MAML3: variants seen among roughly 807,000 people sequenced by gnomAD.
MAML3 encodes the protein mastermind-like protein 3.
In MAML3, 27 loss-of-function variants were observed where a neutral mutation model predicts 101.9. That is an observed-to-expected ratio of 0.27 (90% confidence interval 0.20 to 0.37). MAML3 has a LOEUF of 0.37. MAML3 is among the 10% of genes least tolerant of loss of function. MAML3 has a pLI of 1.00. For synonymous variants in MAML3, 501 were observed against 555.9 expected (o/e 0.90, Z 1.39); for missense variants, 1,316 against 1,444.9 (o/e 0.91, Z 1.45).
intron 1 of MAML3, among the ~76,000 whole-genome samples, chr4:139,924,471 G>A (rs1018645270): frequency 2.0e-5 from 3 of 151,994 alleles, no homozygotes; most frequent in Non-Finnish European, 4.4e-5. Context: ...TGTAACACAC[G>A]AAATGTTTTC....
intron 1 of MAML3, among the ~76,000 whole-genome samples, chr4:139,945,707 T>C (rs2110747508): frequency 6.6e-6 from 1 of 152,372 alleles, no homozygotes; most frequent in South Asian, 2.1e-4. Context: ...CCAATGTGTA[T>C]TTTTCCCATG....
At chr4:139,726,518 G>A (rs1373631640) in intron 3 of MAML3, among the ~76,000 whole-genome samples, 1 of 152,178 alleles carries the variant, frequency 6.6e-6, no homozygotes, top group African/African-American at 2.4e-5. Context: ...CAGCCTGCAT[G>A]CTTTCCTTAG....
intron 1 of MAML3, among the ~76,000 whole-genome samples, chr4:139,933,388 T>C (rs1273679336): frequency 6.6e-6 from 1 of 152,142 alleles, no homozygotes; most frequent in Non-Finnish European, 1.5e-5. Flanking sequence ...TAACTTGCTG[T>C]CAAGAGACGA....
intron 2 of MAML3, among the ~76,000 whole-genome samples, chr4:139,836,560 C>T (rs968639528): frequency 2.0e-5 from 3 of 152,146 alleles, no homozygotes; most frequent in African/African-American, 7.2e-5. Context: ...GGTCAAATTA[C>T]CAATTAAAAA....
intron 1 of MAML3, among the ~76,000 whole-genome samples, chr4:140,132,660 G>C (rs771366400): frequency 6.6e-6 from 1 of 152,214 alleles, no homozygotes; most frequent in Admixed American, 6.5e-5. Flanking sequence ...AAATGCCTTC[G>C]TGGTGCCCTG....
At chr4:139,916,161 A>T (rs1338379355) in intron 1 of MAML3, among the ~76,000 whole-genome samples, 1 of 152,220 alleles carries the variant, frequency 6.6e-6, no homozygotes, top group Non-Finnish European at 1.5e-5. Flanking sequence ...CTTCTCTGTT[A>T]CAAGCCTCAC....
rs57211094 is a variant in MAML3, at chr4:139,859,419, C to T, written c.2079+29938G>A. On this transcript the variant is annotated intron_variant, in intron 2 of 4. Coordinates refer to ENST00000509479, the MANE Select transcript of MAML3 (RefSeq NM_018717.5). The stretch of plus-strand genomic sequence containing the variant: ...ATGGGGTTTCACTATATTGCTCAGG[C>T]TGGTCTAGAACTTCTGGGCTCAAGC... Among the ~76,000 whole-genome samples, 64 of 149,568 alleles carry T rather than the reference C, an allele frequency of 4.3e-4. 1 individual carries two copies. In the Middle Eastern group the frequency reaches 0.01, roughly 24 times the overall value.
In MAML3 at chr4:139,890,094, C is replaced by T; in HGVS notation, c.1342G>A (p.Ala448Thr). ...YLLNPAAVTV[A>T]GSASGPVAVP... ...GCCACAGGCCCTGACGCTGAACCGG[C>T]CACTGTCACTGCTGCCGGATTCAGG... The change falls in exon 2 of 5, where the codon GCC becomes ACC. Residue 448 changes from alanine (A) to threonine (T), a missense_variant. By Grantham distance (58) the Ala-to-Thr change is moderately conservative. Coordinates refer to ENST00000509479, the MANE Select transcript of MAML3 (RefSeq NM_018717.5). This position sits in a 1 kb window ranked among gnomAD's most constrained non-coding sequence, Gnocchi z 4.1. 1 of 1,613,608 alleles carries T rather than the reference C, an allele frequency of 6.2e-7. No individual in the cohort carries two copies. The highest frequency in any genetic ancestry group is 1.3e-5 in the African/African-American group (1 of 75,036).
intron 2 of MAML3, among the ~76,000 whole-genome samples, chr4:139,731,705 C>T (rs549164811): frequency 5.9e-5 from 9 of 152,206 alleles, no homozygotes; most frequent in African/African-American, 2.2e-4. Flanking sequence ...TATATGTCAG[C>T]CAGTCGAATG....
At chr4:139,755,405 G>A (rs1351083455) in intron 2 of MAML3, among the ~76,000 whole-genome samples, 3 of 152,136 alleles carry the variant, frequency 2.0e-5, no homozygotes, top group African/African-American at 4.8e-5. Flanking sequence ...TCAGGAGTTC[G>A]AGACCATCCT....
chr4:139,967,469 G>GAC (rs4057112), intron 1 of MAML3, among the ~76,000 whole-genome samples: 1,530 of 141,528 alleles, frequency 0.011, 15 homozygotes, highest in East Asian at 0.023. Context: ...CTTTTTAAGG[G>GAC]ACACACACAC....
At chr4:140,081,617 A>G (rs977623169) in intron 1 of MAML3, among the ~76,000 whole-genome samples, 2 of 152,196 alleles carry the variant, frequency 1.3e-5, no homozygotes, top group Admixed American at 6.5e-5. Flanking sequence ...CAGTGCCCCA[A>G]TTTGAGAAAT....
chr4:139,760,358 G>A (rs901933678), intron 2 of MAML3, among the ~76,000 whole-genome samples: 47 of 152,326 alleles, frequency 3.1e-4, no homozygotes, highest in African/African-American at 1.0e-3. Context: ...CAGGATGGGA[G>A]GCAGGGAAGT....
intron 2 of MAML3, among the ~76,000 whole-genome samples, chr4:139,884,203 G>A (rs929608035): frequency 6.6e-6 from 1 of 152,102 alleles, no homozygotes; most frequent in African/African-American, 2.4e-5. Context: ...TAAGGAAAAT[G>A]TATCTTCCAA....
chr4:139,869,049 T>C (rs1343585457), intron 2 of MAML3, among the ~76,000 whole-genome samples: 1 of 152,246 alleles, frequency 6.6e-6, no homozygotes, highest in Non-Finnish European at 1.5e-5. Flanking sequence ...TCAAGAACTG[T>C]GCTATGGTCT....
chr4:139,737,997 G>A (rs1729011237), intron 2 of MAML3, among the ~76,000 whole-genome samples: 1 of 152,242 alleles, frequency 6.6e-6, no homozygotes, highest in South Asian at 2.1e-4. Flanking sequence ...GGCCCAATGC[G>A]AAGGCTGCTA....
intron 1 of MAML3, among the ~76,000 whole-genome samples, chr4:140,029,407 C>T (rs1726874146): frequency 6.6e-6 from 1 of 152,186 alleles, no homozygotes. Context: ...TATCCATGCT[C>T]ACATTTGGAT....
At chr4:140,070,079 G>A (rs1189158374) in intron 1 of MAML3, among the ~76,000 whole-genome samples, 1 of 151,934 alleles carries the variant, frequency 6.6e-6, no homozygotes, top group Non-Finnish European at 1.5e-5. Context: ...TCACACCACT[G>A]CACTCCAGGC....
intron 1 of MAML3, among the ~76,000 whole-genome samples, chr4:139,970,712 C>G (rs1734221513): frequency 6.6e-6 from 1 of 152,162 alleles, no homozygotes; most frequent in Non-Finnish European, 1.5e-5. Flanking sequence ...GGCTCACTCT[C>G]CTGAGGTTCT....
Sources: gnomAD v4.1 joint callset for allele counts (sites outside exome capture counted in the v4.1 genomes callset) on GRCh38, gnomAD v4.1.1 for gene constraint, Gnocchi (gnomAD v3.1) non-coding constraint, MANE v1.5 for transcripts, NCBI Gene and HGNC (gene_info 2026-07-23, HGNC 2026-07-21) for gene names.